MYH4: variants seen among roughly 807,000 people sequenced by gnomAD.
MYH4 encodes myosin-4.
A neutral mutation model predicts 229.9 loss-of-function variants in MYH4; 200 were observed. The observed-to-expected ratio is 0.87, with a 90% CI of 0.78 to 0.98. The LOEUF is 0.98. Ranked by LOEUF, MYH4 falls within the 50% of genes least tolerant of loss-of-function variation. MYH4 has a pLI of 0.00. For missense variants in MYH4, 2,148 were observed against 2,332.6 expected (o/e 0.92, Z 1.63); for synonymous variants, 761 against 834.6 (o/e 0.91, Z 1.52).
In MYH4 at chr17:10,455,654, CT is replaced by C; in HGVS notation, c.2133del (p.Gly712AlafsTer18). 6.2e-7 allele frequency: 1 copy of C among 1,614,088 alleles called. No homozygotes were observed. The highest frequency in any genetic ancestry group is 8.5e-7 in the Non-Finnish European group (1 of 1,179,962). ...GVLEGIRICR[K>X]GFPSRILYAD... ...GCATAAAGGATTCTGCTTGGGAAGCCTTTCCTGCAGATGCGGATGCCTTCCA... is the reference window on the plus strand; with the variant it reads ...GCATAAAGGATTCTGCTTGGGAAGCCTTCCTGCAGATGCGGATGCCTTCCA... On this transcript the variant is annotated frameshift_variant, in exon 19 of 40. Coordinates refer to ENST00000255381, the MANE Select transcript of MYH4 (RefSeq NM_017533.2). LOFTEE classifies it high-confidence loss of function.
At chr17:10,463,478 G>A (rs2072724736) in intron 8 of MYH4, 73 bp downstream of exon 8, 2 of 1,575,546 alleles carry the variant, frequency 1.3e-6, no homozygotes, top group South Asian at 1.1e-5. Context: ...CAAACAGGTG[G>A]AAAAAATATT....
At position 10,445,872 on chromosome 17, in the gene MYH4, C is replaced by T. The variant is rs376686299; in HGVS notation, c.5170-510G>A. Among the ~76,000 whole-genome samples the T allele has an allele frequency of 4.0e-5, 6 of 151,456 alleles. No individual in the cohort carries two copies. In the South Asian group the frequency reaches 1.0e-3, roughly 26 times the overall value. On this transcript the variant is annotated intron_variant, in intron 35 of 39. Coordinates refer to ENST00000255381, the MANE Select transcript of MYH4 (RefSeq NM_017533.2). ...TGAAACCCCGTCTCTACTAAAAATACAAAAAATTAGTCGAGTGTGGTGGTG... is the reference window on the plus strand; with the variant it reads ...TGAAACCCCGTCTCTACTAAAAATATAAAAAATTAGTCGAGTGTGGTGGTG...
intron 34 of MYH4, 109 bp from the exon 35 acceptor site, chr17:10,447,325 G>T: frequency 1.1e-6 from 1 of 889,934 alleles, no homozygotes; most frequent in Non-Finnish European, 1.7e-6. Flanking sequence ...GATTAGATAG[G>T]AGCAATCGGC....
chr17:10,467,541 G>T (rs750393416), intron 2 of MYH4, among the ~76,000 whole-genome samples: 7 of 152,218 alleles, frequency 4.6e-5, no homozygotes, highest in Non-Finnish European at 8.8e-5. Flanking sequence ...GATTCTTGGA[G>T]AAAAGGAACT....
intron 34 of MYH4, 124 bp from the exon 35 acceptor site, chr17:10,447,340 A>C (rs1489967978): frequency 1.4e-6 from 1 of 731,268 alleles, no homozygotes; most frequent in East Asian, 2.7e-5. Flanking sequence ...ATCGGCAAGT[A>C]CCTTTAATAA....
rs1481226600 is a variant in MYH4 at position 10,444,651 on chromosome 17, T to C, written c.5620A>G (p.Lys1874Glu). ...NILRLQDLVD[K>E]LQTKVKAYKR... ...TAAGCTTTGACTTTGGTTTGCAATTTGTCCACCAAGTCCTGCAGCCTGAGA... is the reference window on the plus strand; with the variant it reads ...TAAGCTTTGACTTTGGTTTGCAATTCGTCCACCAAGTCCTGCAGCCTGAGA... Residue 1874 changes from lysine (K) to glutamate (E), a missense_variant, in exon 39 of 40, where the codon AAA becomes GAA. Physicochemically the swap from Lys to Glu is moderately conservative, Grantham distance 56. Transcript: ENST00000255381. 2 of 1,614,058 alleles carry C rather than the reference T, an allele frequency of 1.2e-6. No individual in the cohort carries two copies. The highest frequency in any genetic ancestry group is 8.5e-7 in the Non-Finnish European group (1 of 1,180,010).
Position 10,457,669 on chromosome 17 carries a change from AG to A in MYH4, c.1647del (p.Ser550ProfsTer55), listed in dbSNP as rs1476983395. 1 of 1,614,094 alleles carries A rather than the reference AG, an allele frequency of 6.2e-7. No homozygotes were observed. Among genetic ancestry groups the A allele is most frequent in the Non-Finnish European group, 8.5e-7 (1 of 1,180,038 alleles). On this transcript the variant is annotated frameshift_variant, in exon 16 of 40. Transcript: ENST00000255381. LOFTEE classifies it high-confidence loss of function. ...TGTTCATACAGCTTGTTCTTGAAGG[AG>A]GTGTCTGTTGCCTTGGGGAACATGC... is the stretch of plus-strand genomic sequence containing the variant. ...EECMFPKATD[T>X]SFKNKLYEQH...
intron 25 of MYH4, 37 bp downstream of exon 25, chr17:10,452,750 C>T (rs1461357444): frequency 3.2e-6 from 5 of 1,565,754 alleles, no homozygotes; most frequent in African/African-American, 1.4e-5. Flanking sequence ...CATTGACATA[C>T]AACAAGCAGG....
chr17:10,452,163 C>T lies in MYH4; in HGVS notation c.3516G>A (p.Glu1172=). The change falls in exon 27 of 40, where the codon GAG becomes GAA. Residue 1172 remains glutamate, a synonymous_variant. Transcript: ENST00000255381. ...SAQIEMNKKR[E]AEFQKMRRDL... ...CCCTGCGCATTTTCTGGAACTCAGC[C>T]TCCCGCTTCTTGTTCATCTCAATCT... is the stretch of plus-strand genomic sequence containing the variant. 1.2e-6 allele frequency: 2 copies of T among 1,614,022 alleles called. No homozygotes were observed. Among genetic ancestry groups the T allele is most frequent in the Non-Finnish European group, 1.7e-6 (2 of 1,180,026 alleles).
At chr17:10,448,314 G>A (rs927245401) in intron 33 of MYH4, 82 bp downstream of exon 33, 5 of 1,465,354 alleles carry the variant, frequency 3.4e-6, no homozygotes, top group Non-Finnish European at 3.7e-6. Flanking sequence ...ATTCCCTAAA[G>A]ATTTGCAACA....
chr17:10,443,675 C>G lies in MYH4; in HGVS notation c.5668-148G>C. ...GTGGCTCACACCTGTAATCCCAGCA[C>G]TCTGGGAGACTGAGGCGGGTGGATC... On this transcript the variant is annotated intron_variant, in intron 39 of 39. Transcript: ENST00000255381. This position sits in a 1 kb window ranked among gnomAD's most constrained non-coding sequence, Gnocchi z 4.6. The G allele has an allele frequency of 1.4e-5, 11 of 781,092 alleles. No homozygotes were observed. The highest frequency in any genetic ancestry group is 2.2e-5 in the Non-Finnish European group (11 of 511,140). The allele number at this position is 781,092 out of a possible 1,614,324, so 48.4% of individuals were successfully genotyped here.
chr17:10,452,529 G>A (rs2072589234), intron 25 of MYH4, 23 bp from the exon 26 acceptor site: 1 of 1,600,742 alleles, frequency 6.2e-7, no homozygotes, highest in Non-Finnish European at 8.6e-7. Context: ...CAACACATTA[G>A]CTTATAATCA....
At chr17:10,467,578 T>TGA (rs1214696480) in intron 2 of MYH4, among the ~76,000 whole-genome samples, 2 of 152,236 alleles carry the variant, frequency 1.3e-5, no homozygotes, top group African/African-American at 2.4e-5. Flanking sequence ...AATTTTATAG[T>TGA]GATTGTATGT....
At chr17:10,460,821 G>A (rs185295202) in intron 12 of MYH4, 95 bp downstream of exon 12, 9 of 1,346,442 alleles carry the variant, frequency 6.7e-6, no homozygotes, top group South Asian at 4.1e-5. Context: ...TGCCCTTCAC[G>A]AGCTAGGTCA....
chr17:10,451,960 T>C lies in MYH4; in HGVS notation c.3719A>G (p.Glu1240Gly), dbSNP rs752341161. 8 of 1,610,966 alleles carry C rather than the reference T, an allele frequency of 5.0e-6. No homozygotes were observed. The highest frequency in any genetic ancestry group is 5.9e-6 in the Non-Finnish European group (7 of 1,178,226). The part of the protein sequence containing the change: ...MEINDLASNM[E>G]TVSKAKANFE... Reference sequence around the variant, plus strand: ...GAAGACCTTGGCTTTGGAGACAGTCTCCATGTTACTAGCAAGGTCATTGAT... The same window carrying C: ...GAAGACCTTGGCTTTGGAGACAGTCCCCATGTTACTAGCAAGGTCATTGAT... The change falls in exon 27 of 40, where the codon GAG (glutamate) becomes GGG (glycine). Residue 1240 changes from glutamate to glycine, a missense_variant. Glu to Gly is a moderately conservative substitution (Grantham distance 98). Transcript: ENST00000255381.
Position 10,457,730 on chromosome 17 carries a change from C to T in MYH4, c.1588-1G>A. On this transcript the variant is annotated splice_acceptor_variant, in intron 15 of 39. Transcript: ENST00000255381. LOFTEE classifies it high-confidence loss of function. The stretch of plus-strand genomic sequence containing the variant: ...CTAGGATGGAGAAGATGCCCATAGG[C>T]TAAGAATAGGAAAAAAGGGATGATA... 6.2e-7 allele frequency: 1 copy of T among 1,611,056 alleles called. No individual in the cohort carries two copies.
Position 10,443,334 on chromosome 17 carries a change from T to G in MYH4, c.*41A>C. On this transcript the variant is annotated 3_prime_UTR_variant, in exon 40 of 40. Coordinates refer to ENST00000255381, the MANE Select transcript of MYH4 (RefSeq NM_017533.2). The surrounding 1 kb of genome is among the most constrained non-coding windows in gnomAD (Gnocchi z 4.6). ...GGACAGTGACAAAGAACTTCACATT[T>G]CGTGCATTTCTTTGGTCACATTTTC... The G allele has an allele frequency of 6.3e-7, 1 of 1,599,368 alleles. No homozygotes were observed. Among genetic ancestry groups the G allele is most frequent in the Non-Finnish European group, 8.6e-7 (1 of 1,168,718 alleles).
At position 10,466,224 on chromosome 17, in the gene MYH4, A is replaced by G. The variant is rs189954838; in HGVS notation, c.348+49T>C. ...AACCCCTTAATTTATTTTAGCTAACATGTGTAGAATGTGGAGTGAGTGAGA... is the reference window on the plus strand; with the variant it reads ...AACCCCTTAATTTATTTTAGCTAACGTGTGTAGAATGTGGAGTGAGTGAGA... On this transcript the variant is annotated intron_variant, in intron 4 of 39. Transcript: ENST00000255381. The G allele has an allele frequency of 2.4e-5, 37 of 1,565,500 alleles. 1 individual carries two copies. In the Admixed American group the frequency reaches 4.6e-4, roughly 19 times the overall value.
chr17:10,447,855 G>T lies in MYH4; in HGVS notation c.4928C>A (p.Ala1643Glu). Residue 1643 changes from alanine to glutamate, a missense_variant, in exon 34 of 40, where the codon GCA becomes GAA. Transcript: ENST00000255381. ...LNHANRQAAEALRNLRNTQGI... is the reference protein window; with the variant it reads ...LNHANRQAAEELRNLRNTQGI... ...TTGTGTGTTTCTAAGATTCCTTAGT[G>T]CCTCAGCAGCCTGGCGGTTGGCATG... The T allele has an allele frequency of 6.2e-7, 1 of 1,613,616 alleles. No homozygotes were observed. The highest frequency in any genetic ancestry group is 8.5e-7 in the Non-Finnish European group (1 of 1,179,798).
Sources: gnomAD v4.1 joint callset for allele counts (sites outside exome capture counted in the v4.1 genomes callset) on GRCh38, gnomAD v4.1.1 for gene constraint, Gnocchi (gnomAD v3.1) non-coding constraint, MANE v1.5 for transcripts, NCBI Gene and HGNC (gene_info 2026-07-23, HGNC 2026-07-21) for gene names.